The following CLTCL1 variants were observed in gnomAD, a reference collection of about 807,000 sequenced individuals.
CLTCL1 encodes the protein clathrin heavy chain 2.
CLTCL1 carries 159 observed loss-of-function variants against 190.0 expected under a neutral mutation model. The ratio of observed to expected loss-of-function variants is 0.84; its 90% CI spans 0.74 to 0.95. The LOEUF (loss-of-function observed/expected upper bound fraction) is 0.95. CLTCL1 is among the 40% of genes least tolerant of loss of function. The pLI, the probability that CLTCL1 is intolerant of heterozygous loss-of-function variation, is 0.00. For synonymous variants in CLTCL1, 752 were observed against 769.6 expected, an observed-to-expected ratio of 0.98 and a Z score of 0.38; for missense variants, 1,878 against 2,033.4, an observed-to-expected ratio of 0.92 and a Z score of 1.47.
At chr22:19,232,929 GA>G in intron 9 of CLTCL1, 1 of 564,190 alleles carries the variant, frequency 1.8e-6, no homozygotes. Context: ...GAGAGGGAGA[GA>G]AAAAACAAGA....
intron 1 of CLTCL1, among the ~76,000 whole-genome samples, chr22:19,285,153 T>C (rs1471950026): frequency 6.6e-6 from 1 of 150,726 alleles, no homozygotes; most frequent in Non-Finnish European, 1.5e-5. Context: ...TGGGTGCCTG[T>C]AGTCCCAGCT....
chr22:19,287,229 T>A (rs1357871453), intron 1 of CLTCL1, among the ~76,000 whole-genome samples: 2 of 152,104 alleles, frequency 1.3e-5, no homozygotes, highest in Non-Finnish European at 2.9e-5. Context: ...GAGCTCACAA[T>A]CCAGCAGAGA....
chr22:19,251,256 A>T (rs1555969903), intron 3 of CLTCL1, among the ~76,000 whole-genome samples: 2 of 151,720 alleles, frequency 1.3e-5, no homozygotes, highest in Non-Finnish European at 2.9e-5. Flanking sequence ...TGCTTTCCTG[A>T]TTTCATTTTT....
chr22:19,229,781 A>G, intron 11 of CLTCL1, 57 bp downstream of exon 11: 1 of 1,483,670 alleles, frequency 6.7e-7, no homozygotes, highest in African/African-American at 1.4e-5. Flanking sequence ...AAGTCTGCAA[A>G]CCCAGAGAGG....
At chr22:19,241,865 T>TG (rs1404451023) in intron 4 of CLTCL1, among the ~76,000 whole-genome samples, 2 of 151,730 alleles carry the variant, frequency 1.3e-5, no homozygotes, top group Non-Finnish European at 2.9e-5. Flanking sequence ...GGAAGAACCA[T>TG]GCTAATGGCA....
chr22:19,188,164 G>C (rs1323788219), intron 27 of CLTCL1, 73 bp from the exon 28 acceptor site: 3 of 1,347,572 alleles, frequency 2.2e-6, no homozygotes, highest in Admixed American at 3.4e-5. Context: ...GGCACAGGTG[G>C]GCACGTGCGT....
Position 19,187,632 on chromosome 22 carries a change from C to A in CLTCL1, c.4531G>T (p.Ala1511Ser). ...TTATTGCCCTTGTACAGATAGGCCG[C>A]AATGCACCTGAACTCCATCAGCTGA... is the stretch of plus-strand genomic sequence containing the variant. ...KHQLMEFRCI[A>S]AYLYKGNNWW... The change falls in exon 29 of 33, where the codon GCG (alanine) becomes TCG (serine). Residue 1511 changes from alanine to serine, a missense_variant. Physicochemically the swap from Ala to Ser is moderately conservative, Grantham distance 99. Coordinates refer to ENST00000427926, the MANE Select transcript of CLTCL1 (RefSeq NM_007098.4). 1 of 1,613,704 alleles carries A rather than the reference C, an allele frequency of 6.2e-7. No individual in the cohort carries two copies. The highest frequency in any genetic ancestry group is 8.5e-7 in the Non-Finnish European group (1 of 1,179,896).
At chr22:19,276,878 T>G (rs782452266) in intron 1 of CLTCL1, among the ~76,000 whole-genome samples, 2 of 152,132 alleles carry the variant, frequency 1.3e-5, no homozygotes, top group Non-Finnish European at 2.9e-5. Context: ...TTCACCGTGT[T>G]AGCCAGGATG....
intron 26 of CLTCL1, among the ~76,000 whole-genome samples, chr22:19,195,801 G>C (rs1555935055): frequency 6.6e-6 from 1 of 152,156 alleles, no homozygotes; most frequent in East Asian, 1.9e-4. Flanking sequence ...TAGGCTACAG[G>C]ATGGAGGCCC....
chr22:19,196,853 T>C (rs566223240), intron 24 of CLTCL1, among the ~76,000 whole-genome samples, 197 bp from the exon 25 acceptor site: 2 of 152,298 alleles, frequency 1.3e-5, no homozygotes, highest in Admixed American at 6.5e-5. Context: ...CATCTGACAA[T>C]TACCAGTGGC....
In CLTCL1 at chr22:19,208,272, C is replaced by A; in HGVS notation, c.3482G>T (p.Arg1161Met). Residue 1161 changes from arginine to methionine, a missense_variant, in exon 22 of 33, where the codon AGG becomes ATG. Physicochemically the swap from Arg to Met is moderately conservative, Grantham distance 91. Transcript: ENST00000427926. ...EDLVKFLQMA[R>M]KKGRESYIET... ...TATATAGGACTCACGGCCCTTTTTC[C>A]TGGCCATCTGCAGAAATTTAACTAG... is the stretch of plus-strand genomic sequence containing the variant. 6.2e-7 allele frequency: 1 copy of A among 1,613,762 alleles called. No homozygotes were observed. The highest frequency in any genetic ancestry group is 1.1e-5 in the South Asian group (1 of 91,082).
chr22:19,225,430 C>A lies in CLTCL1; in HGVS notation c.2128+23G>T. ...AGGAGGTGTAGTCACATGGTGGGGT[C>A]GGCGAGAGGCTGCATGGTTTACCTT... On this transcript the variant is annotated intron_variant, in intron 13 of 32. Transcript: ENST00000427926. 3 of 1,542,716 alleles carry A rather than the reference C, an allele frequency of 1.9e-6. No individual in the cohort carries two copies. In the South Asian group the frequency reaches 3.6e-5, roughly 19 times the overall value.
chr22:19,284,838 G>A (rs749100667), intron 1 of CLTCL1, among the ~76,000 whole-genome samples: 3 of 151,790 alleles, frequency 2.0e-5, no homozygotes, highest in Non-Finnish European at 2.9e-5. Context: ...CCTGTAGTCC[G>A]AGCTACTCAG....
At chr22:19,274,549 CA>C in intron 2 of CLTCL1, among the ~76,000 whole-genome samples, 1 of 152,216 alleles carries the variant, frequency 6.6e-6, no homozygotes, top group African/African-American at 2.4e-5. Flanking sequence ...AAGATCCTTT[CA>C]AATAAAAGAA....
Position 19,226,276 on chromosome 22 carries a change from G to A in CLTCL1, c.1890C>T (p.Tyr630=), listed in dbSNP as rs550448920. 32 of 1,614,062 alleles carry A rather than the reference G, an allele frequency of 2.0e-5. No individual in the cohort carries two copies. The East Asian group carries it at 5.8e-4, about 29-fold the overall frequency. The change falls in exon 12 of 33, where the codon TAC becomes TAT. Residue 630 remains tyrosine (Y), a synonymous_variant. Transcript: ENST00000427926. ...CCCTCTTGATGTCATAGAGGTCGGTGTAGTGCTCCAGTGCTTGCTGCAGGA... is the reference window on the plus strand; with the variant it reads ...CCCTCTTGATGTCATAGAGGTCGGTATAGTGCTCCAGTGCTTGCTGCAGGA... ...AGLLQQALEH[Y]TDLYDIKRAV...
chr22:19,240,211 C>T (rs2086209387), intron 4 of CLTCL1, among the ~76,000 whole-genome samples: 1 of 152,080 alleles, frequency 6.6e-6, no homozygotes, highest in Admixed American at 6.5e-5. Context: ...TCCAACCCCA[C>T]CTCGGCCTCC....
intron 11 of CLTCL1, among the ~76,000 whole-genome samples, chr22:19,228,264 C>T (rs1206547): frequency 0.059 from 8,981 of 152,284 alleles, 330 homozygotes; most frequent in Middle Eastern, 0.16. Context: ...ACATTTTCTC[C>T]TCATAGCAAC....
At chr22:19,275,326 T>G (rs1400728406) in intron 2 of CLTCL1, among the ~76,000 whole-genome samples, 1 of 151,406 alleles carries the variant, frequency 6.6e-6, no homozygotes, top group African/African-American at 2.4e-5. Context: ...CACACAGCCT[T>G]CCTGGGAAAC....
intron 11 of CLTCL1, among the ~76,000 whole-genome samples, chr22:19,226,698 G>A (rs781915978): frequency 6.6e-6 from 1 of 152,106 alleles, no homozygotes; most frequent in Non-Finnish European, 1.5e-5. Flanking sequence ...ATGAGTCCAA[G>A]TCACTGTTGC....
Sources: allele counts gnomAD v4.1 joint callset (sites outside exome capture counted in the v4.1 genomes callset), GRCh38; gene constraint gnomAD v4.1.1; transcripts MANE v1.5; gene names NCBI Gene and HGNC (gene_info 2026-07-23, HGNC 2026-07-21).